SIPA1L1: variants seen among roughly 807,000 people sequenced by gnomAD.
SIPA1L1 encodes the protein signal-induced proliferation-associated 1-like protein 1.
A neutral mutation model predicts 162.7 loss-of-function variants in SIPA1L1; 26 were observed. The observed-to-expected ratio is 0.16, with a 90% CI of 0.12 to 0.22. SIPA1L1 has a LOEUF of 0.22. SIPA1L1 is among the 10% of genes least tolerant of loss of function. The probability of loss-of-function intolerance (pLI) is 1.00; values close to 1 mark genes in which losing one functional copy is unlikely to be tolerated. For missense variants in SIPA1L1, 1,874 were observed against 2,241.0 expected (o/e 0.84, Z 3.31); for synonymous variants, 829 against 837.4 (o/e 0.99, Z 0.17).
intron 2 of SIPA1L1, among the ~76,000 whole-genome samples, chr14:71,356,949 T>A (rs926587467): frequency 2.6e-5 from 4 of 152,060 alleles, no homozygotes; most frequent in African/African-American, 9.7e-5. Context: ...TATGAATCAG[T>A]TAGTATAAAT....
intron 4 of SIPA1L1, among the ~76,000 whole-genome samples, chr14:71,540,047 G>A (rs556258420): frequency 6.6e-6 from 1 of 152,350 alleles, no homozygotes; most frequent in African/African-American, 2.4e-5. Context: ...CTCCTCATCA[G>A]AAATGCTCTC....
At chr14:71,569,139 T>C (rs1301324942) in intron 4 of SIPA1L1, among the ~76,000 whole-genome samples, 3 of 44,288 alleles carry the variant, frequency 6.8e-5, no homozygotes, top group African/African-American at 2.6e-4. Context: ...ACTCAAGGAA[T>C]ATAAAAAAAA....
intron 2 of SIPA1L1, among the ~76,000 whole-genome samples, chr14:71,495,179 A>G (rs1317518575): frequency 6.6e-6 from 1 of 152,190 alleles, no homozygotes; most frequent in Non-Finnish European, 1.5e-5. Flanking sequence ...TCTGTTTTCT[A>G]GAAGAGTTCG....
At chr14:71,365,103 T>C (rs985698421) in intron 2 of SIPA1L1, among the ~76,000 whole-genome samples, 6 of 152,076 alleles carry the variant, frequency 3.9e-5, no homozygotes, top group African/African-American at 1.5e-4. Flanking sequence ...CACGGCTCAC[T>C]GCAGCCTTGA....
chr14:71,516,568 G>A (rs909750933), intron 3 of SIPA1L1, among the ~76,000 whole-genome samples: 1 of 152,046 alleles, frequency 6.6e-6, no homozygotes, highest in African/African-American at 2.4e-5. Flanking sequence ...TAAATTTTTT[G>A]TAGAGATGAG....
chr14:71,618,481 A>C (rs553806182), intron 5 of SIPA1L1, among the ~76,000 whole-genome samples: 3 of 152,358 alleles, frequency 2.0e-5, no homozygotes, highest in East Asian at 3.9e-4. Context: ...AGATAGGGAG[A>C]AAATACAAAT....
chr14:71,524,619 T>C (rs2052679801), intron 3 of SIPA1L1, among the ~76,000 whole-genome samples: 4 of 152,218 alleles, frequency 2.6e-5, no homozygotes, highest in Admixed American at 2.6e-4. Context: ...TATTTATTTG[T>C]TTATTTTTAA....
At chr14:71,643,572 A>G (rs778092745) in intron 7 of SIPA1L1, among the ~76,000 whole-genome samples, 43 of 152,218 alleles carry the variant, frequency 2.8e-4, no homozygotes, top group Non-Finnish European at 5.0e-4. Context: ...CAAAGAAAGT[A>G]TCGTTTTTGC....
rs553706760 is a variant in SIPA1L1 at position 71,709,605 on chromosome 14, G to T, written c.4149G>T (p.Ser1383=). The T allele has an allele frequency of 2.5e-6, 4 of 1,614,082 alleles. No homozygotes were observed. The highest frequency in any genetic ancestry group is 3.4e-6 in the Non-Finnish European group (4 of 1,180,022). ...TACACAGCAAGAGCCAAGCCGGCTC[G>T]ACCCCTCTGACAAGGGAGAACAGCA... The part of the protein sequence containing the change: ...LDIHSKSQAG[S]TPLTRENSTF... Residue 1383 remains serine, a synonymous_variant, in exon 17 of 24, where the codon TCG becomes TCT. Transcript: ENST00000381232.
chr14:71,630,768 AGTATTTCTGTTTCATTATGCAGTTTCT>A (rs1223224476), intron 7 of SIPA1L1, among the ~76,000 whole-genome samples: 4 of 151,898 alleles, frequency 2.6e-5, no homozygotes, highest in Non-Finnish European at 4.4e-5. Flanking sequence ...TACAAGGTGT[AGTATTTCTGTTTCATTATGCAGTTTCT>A]GTATTTCTGT....
intron 5 of SIPA1L1, among the ~76,000 whole-genome samples, chr14:71,597,353 A>AT (rs1236256743): frequency 6.6e-6 from 1 of 151,568 alleles, no homozygotes; most frequent in African/African-American, 2.4e-5. Context: ...ATTAATTAAG[A>AT]TTTTTTTCTA....
At chr14:71,635,356 C>G (rs773524619) in intron 7 of SIPA1L1, among the ~76,000 whole-genome samples, 2 of 152,154 alleles carry the variant, frequency 1.3e-5, no homozygotes, top group Non-Finnish European at 2.9e-5. Flanking sequence ...TGGGTAAATA[C>G]TTTTCTTAAT....
chr14:71,434,099 T>C (rs1445947059), intron 2 of SIPA1L1, among the ~76,000 whole-genome samples: 3 of 152,214 alleles, frequency 2.0e-5, no homozygotes, highest in Non-Finnish European at 2.9e-5. Flanking sequence ...TCTCACTAAT[T>C]AAAAATTGGA....
chr14:71,693,854 T>C (rs557382572), intron 13 of SIPA1L1, among the ~76,000 whole-genome samples: 2 of 152,310 alleles, frequency 1.3e-5, no homozygotes, highest in South Asian at 4.1e-4. Flanking sequence ...CTGTGCTTAA[T>C]TATGGACTCA....
intron 3 of SIPA1L1, among the ~76,000 whole-genome samples, chr14:71,524,320 A>G (rs1460190186): frequency 6.6e-6 from 1 of 152,106 alleles, no homozygotes; most frequent in Admixed American, 6.6e-5. Flanking sequence ...CAGGGTGGTC[A>G]TGTGGTTATG....
intron 9 of SIPA1L1, among the ~76,000 whole-genome samples, chr14:71,661,079 A>T (rs560442798): frequency 1.0e-3 from 155 of 152,342 alleles, no homozygotes; most frequent in Non-Finnish European, 1.8e-3. Context: ...GATATTGGGT[A>T]GATCTATTTG....
At chr14:71,562,783 A>G (rs2056897187) in intron 4 of SIPA1L1, among the ~76,000 whole-genome samples, 2 of 152,130 alleles carry the variant, frequency 1.3e-5, no homozygotes, top group Non-Finnish European at 2.9e-5. Context: ...CCTCCCAAGT[A>G]GCTGGGATTA....
intron 4 of SIPA1L1, among the ~76,000 whole-genome samples, chr14:71,548,301 G>T (rs1419005798): frequency 6.6e-6 from 1 of 152,154 alleles, no homozygotes; most frequent in Admixed American, 6.5e-5. Context: ...ACTGTGTAAT[G>T]AAGTCTGCTG....
rs897983370 is a variant in SIPA1L1, at chr14:71,385,921, C to T, written c.-465+64740C>T. On this transcript the variant is annotated intron_variant, in intron 2 of 23. Transcript: ENST00000381232. Reference sequence around the variant, plus strand: ...CAGGATGGTCTCGATCTCCTGACCTCGTGATCCGCCCGCCTCAGCCTCCCA... The same window carrying T: ...CAGGATGGTCTCGATCTCCTGACCTTGTGATCCGCCCGCCTCAGCCTCCCA... Among the ~76,000 whole-genome samples the T allele has an allele frequency of 4.0e-5, 6 of 151,810 alleles. No individual in the cohort carries two copies. In the East Asian group the frequency reaches 9.6e-4, roughly 24 times the overall value.
Sources: gnomAD v4.1 joint callset for allele counts (sites outside exome capture counted in the v4.1 genomes callset) on GRCh38, gnomAD v4.1.1 for gene constraint, MANE v1.5 for transcripts, NCBI Gene and HGNC (gene_info 2026-07-23, HGNC 2026-07-21) for gene names.